OR1L8: variants seen among roughly 807,000 people sequenced by gnomAD.
OR1L8 encodes olfactory receptor family 1 subfamily L member 8, also known as olfactory receptor 1L8.
For synonymous variants in OR1L8, 148 were observed against 147.0 expected (o/e 1.01, Z -0.05); for missense variants, 330 against 377.4 (o/e 0.87, Z 1.04).
At chr9:122,553,165 G>T in the OR1L8 span, 1 of 1,584,494 alleles carries the variant, frequency 6.3e-7, no homozygotes, top group South Asian at 1.2e-5. Flanking sequence ...AATAAATACT[G>T]ACACATGGAA....
intron 4 of OR1L8, among the ~76,000 whole-genome samples, chr9:122,570,969 T>C (rs1829536647): frequency 6.6e-6 from 1 of 152,178 alleles, no homozygotes; most frequent in African/African-American, 2.4e-5. Flanking sequence ...TCAAGGTCAG[T>C]AAGGAAGTGA....
chr9:122,568,097 G>T lies in OR1L8; in HGVS notation c.381C>A (p.Val127=). The T allele has an allele frequency of 6.2e-7, 1 of 1,614,080 alleles. No homozygotes were observed. The highest frequency in any genetic ancestry group is 2.2e-5 in the East Asian group (1 of 44,878). The stretch of plus-strand genomic sequence containing the variant: ...TGGTGACATAGTGGAAAGGGTCACA[G>T]ACGGCCACATAGCGGTCAAAGGCCA... ...AVMAFDRYVA[V]CDPFHYVTTM... Residue 127 remains valine (V), a synonymous_variant, in exon 5 of 5, where the codon GTC becomes GTA. Coordinates refer to ENST00000641027, the MANE Select transcript of OR1L8 (RefSeq NM_001004454.2).
At chr9:122,552,204 T>C in the OR1L8 span, among the ~76,000 whole-genome samples, 1 of 151,954 alleles carries the variant, frequency 6.6e-6, no homozygotes, top group Non-Finnish European at 1.5e-5. Context: ...AAAGAACAAA[T>C]GGAGGACTAA....
chr9:122,579,273 T>G (rs893570650), intron 1 of OR1L8, among the ~76,000 whole-genome samples: 4 of 152,082 alleles, frequency 2.6e-5, no homozygotes, highest in Non-Finnish European at 2.9e-5. Context: ...AATTTTAACA[T>G]AAATTTGAAA....
At chr9:122,582,755 CAT>C (rs1367168408) in intron 1 of OR1L8, among the ~76,000 whole-genome samples, 3 of 151,742 alleles carry the variant, frequency 2.0e-5, no homozygotes, top group African/African-American at 7.3e-5. Flanking sequence ...GAAAAAAAGA[CAT>C]AATGAGCAAG....
chr9:122,583,010 ATTATT>A (rs754348640), intron 1 of OR1L8, among the ~76,000 whole-genome samples: 5 of 149,960 alleles, frequency 3.3e-5, no homozygotes, highest in East Asian at 1.9e-4. Flanking sequence ...AGGAAATGGG[ATTATT>A]TTATTATATT....
At chr9:122,577,879 T>C (rs1829684913) in intron 2 of OR1L8, among the ~76,000 whole-genome samples, 1 of 148,504 alleles carries the variant, frequency 6.7e-6, no homozygotes, top group Non-Finnish European at 1.5e-5. Flanking sequence ...GTACCAAATA[T>C]AGTGTTTGTT....
chr9:122,554,086 T>C, the OR1L8 span: 9 of 1,613,594 alleles, frequency 5.6e-6, no homozygotes, highest in African/African-American at 1.3e-5. Context: ...AACCCATTCA[T>C]TTATAGCTTG....
At chr9:122,575,114 G>T (rs1829629297) in intron 3 of OR1L8, among the ~76,000 whole-genome samples, 2 of 152,040 alleles carry the variant, frequency 1.3e-5, no homozygotes, top group African/African-American at 2.4e-5. Flanking sequence ...ATTTTGTTTA[G>T]AGTTATGCAT....
chr9:122,563,221 C>T (rs568680410), downstream of OR1L8, among the ~76,000 whole-genome samples: 4 of 151,110 alleles, frequency 2.6e-5, no homozygotes, highest in African/African-American at 9.7e-5. Context: ...GCCATTCTAA[C>T]TGGGATGAGG....
downstream of OR1L8, among the ~76,000 whole-genome samples, chr9:122,564,934 A>G (rs1829405180): frequency 6.6e-6 from 1 of 151,322 alleles, no homozygotes; most frequent in Non-Finnish European, 1.5e-5. Context: ...GGTCCATTAT[A>G]TTGATAACAT....
At chr9:122,557,179 A>C in the OR1L8 span, among the ~76,000 whole-genome samples, 1 of 152,132 alleles carries the variant, frequency 6.6e-6, no homozygotes, top group African/African-American at 2.4e-5. Flanking sequence ...GAAAATAAAG[A>C]CAGTTTTATT....
the OR1L8 span, among the ~76,000 whole-genome samples, chr9:122,555,811 A>T: frequency 1.3e-5 from 2 of 152,174 alleles, no homozygotes; most frequent in East Asian, 1.9e-4. Context: ...ACACACGCAC[A>T]ATCTCCCGAA....
chr9:122,548,679 G>C, the OR1L8 span, among the ~76,000 whole-genome samples: 1 of 150,948 alleles, frequency 6.6e-6, no homozygotes, highest in Non-Finnish European at 1.5e-5. Flanking sequence ...GTCCCATGTT[G>C]GTGTGCTGCA....
the OR1L8 span, among the ~76,000 whole-genome samples, chr9:122,560,208 G>A: frequency 2.0e-5 from 3 of 150,782 alleles, no homozygotes. Context: ...CTTTTATTTT[G>A]AGCCTATTTG....
In OR1L8 at chr9:122,572,769, C is replaced by G. The variant is rs976462957; in HGVS notation, c.-213+11G>C. 2.0e-5 allele frequency: 3 copies of G among 152,210 alleles called. No individual in the cohort carries two copies. Among genetic ancestry groups the G allele is most frequent in the African/African-American group, 7.2e-5 (3 of 41,456 alleles). The allele number at this position is 152,210 out of a possible 1,614,324, so 9.4% of individuals were successfully genotyped here. A position where few individuals can be genotyped will look rare whatever the true frequency, so the allele number is the denominator to read the frequency against. ...GTTGGCTAGGTAGGTGGCTAGCTCACTGAAGCTCACCTCTGTATCCAGCGT... is the reference window on the plus strand; with the variant it reads ...GTTGGCTAGGTAGGTGGCTAGCTCAGTGAAGCTCACCTCTGTATCCAGCGT... On this transcript the variant is annotated intron_variant, in intron 4 of 4. Transcript: ENST00000641027.
At chr9:122,550,718 C>G in the OR1L8 span, among the ~76,000 whole-genome samples, 1 of 151,876 alleles carries the variant, frequency 6.6e-6, no homozygotes, top group African/African-American at 2.4e-5. Context: ...GATAAAAATG[C>G]TCAACAAACT....
the OR1L8 span, chr9:122,553,913 T>C: frequency 6.2e-7 from 1 of 1,613,954 alleles, no homozygotes; most frequent in Non-Finnish European, 8.5e-7. Context: ...TCTCATCTCC[T>C]GGAGGGAGAT....
the OR1L8 span, among the ~76,000 whole-genome samples, chr9:122,559,678 G>A: frequency 2.8e-5 from 4 of 140,802 alleles, no homozygotes; most frequent in African/African-American, 7.9e-5. Flanking sequence ...TTTCACTGTG[G>A]TCTGAGAGAC....
Sources: gnomAD v4.1 joint callset for allele counts (sites outside exome capture counted in the v4.1 genomes callset) on GRCh38, gnomAD v4.1.1 for gene constraint, MANE v1.5 for transcripts, NCBI Gene and HGNC (gene_info 2026-07-23, HGNC 2026-07-21) for gene names.